FAM107A: variants seen among roughly 807,000 people sequenced by gnomAD.
FAM107A encodes family with sequence similarity 107 member A.
In FAM107A, 19 loss-of-function variants were observed where a neutral mutation model predicts 13.7. The ratio of observed to expected loss-of-function variants is 1.38; its 90% confidence interval spans 0.97 to 2.03. FAM107A has a LOEUF of 2.03. FAM107A is among the 30% of genes most tolerant of loss of function. FAM107A has a pLI of 0.00. For missense variants in FAM107A, 203 were observed against 184.4 expected (o/e 1.10, Z -0.58); for synonymous variants, 82 against 74.5 (o/e 1.10, Z -0.52).
upstream of FAM107A, among the ~76,000 whole-genome samples, chr3:58,587,270 C>T (rs1050962816): frequency 6.6e-6 from 1 of 152,208 alleles, no homozygotes; most frequent in Non-Finnish European, 1.5e-5. Flanking sequence ...TACTCTTCTG[C>T]TTTCTTTGGC....
rs759494862 is a variant in FAM107A at position 58,566,713 on chromosome 3, A to G, written c.328-18T>C. 2 of 1,585,226 alleles carry G rather than the reference A, an allele frequency of 1.3e-6. No individual in the cohort carries two copies. The highest frequency in any genetic ancestry group is 2.2e-5 in the South Asian group (2 of 90,460). The stretch of plus-strand genomic sequence containing the variant: ...TTTTCCAGCTGAAGGAGGGAGAAGC[A>G]GAGAGTGAAGTGGGTGGAGCTAGGG... On this transcript the variant is annotated intron_variant, in intron 3 of 3. Coordinates refer to ENST00000360997, the MANE Select transcript of FAM107A (RefSeq NM_001076778.3).
intron 1 of FAM107A, chr3:58,607,235 G>T (rs1487505586): frequency 6.6e-6 from 1 of 152,252 alleles, no homozygotes; most frequent in Admixed American, 6.5e-5. Flanking sequence ...TTGAGCCAGT[G>T]TTCCATGAGG....
At chr3:58,596,161 G>A (rs899126504) in intron 1 of FAM107A, among the ~76,000 whole-genome samples, 4 of 152,110 alleles carry the variant, frequency 2.6e-5, no homozygotes, top group African/African-American at 9.7e-5. Flanking sequence ...TGTCCTGATT[G>A]TTGAGAAAAA....
intron 1 of FAM107A, among the ~76,000 whole-genome samples, chr3:58,616,081 C>G (rs1453881849): frequency 3.9e-5 from 6 of 151,922 alleles, no homozygotes; most frequent in Non-Finnish European, 4.4e-5. Flanking sequence ...GAGTAGGGAG[C>G]CCAGAGCACG....
Position 58,604,312 on chromosome 3 carries a change from C to T in FAM107A, c.-69-15043G>A, listed in dbSNP as rs144213989. 8.5e-5 allele frequency among the ~76,000 whole-genome samples: 13 copies of T among 152,232 alleles called. No individual in the cohort carries two copies. The highest frequency in any genetic ancestry group is 1.7e-4 in the African/African-American group (7 of 41,542). Reference sequence around the variant, plus strand: ...CTCGTGCTCCCTCCAGAGCATTAAACGCAGATCCAATTCCTTCTCCAACCG... The same window carrying T: ...CTCGTGCTCCCTCCAGAGCATTAAATGCAGATCCAATTCCTTCTCCAACCG... On this transcript the variant is annotated intron_variant, in intron 1 of 3. Transcript: ENST00000465970. The surrounding 1 kb of genome is among the most constrained non-coding windows in gnomAD (Gnocchi z 4.1).
intron 1 of FAM107A, among the ~76,000 whole-genome samples, chr3:58,620,239 G>T (rs2065940142): frequency 6.6e-6 from 1 of 152,180 alleles, no homozygotes; most frequent in Non-Finnish European, 1.5e-5. Context: ...GTGTGATGGG[G>T]TTTGCCCTAG....
chr3:58,586,143 C>G (rs1383240020), intron 1 of FAM107A, among the ~76,000 whole-genome samples: 6 of 152,196 alleles, frequency 3.9e-5, no homozygotes, highest in Non-Finnish European at 7.3e-5. Flanking sequence ...ACCGCGCTGC[C>G]GGGCTCCAGT....
intron 1 of FAM107A, among the ~76,000 whole-genome samples, chr3:58,583,441 G>A (rs932703693): frequency 2.0e-5 from 3 of 152,118 alleles, no homozygotes; most frequent in Non-Finnish European, 4.4e-5. Context: ...TGACCAACAT[G>A]GTGAAACCCT....
Position 58,566,471 on chromosome 3 carries a change from G to C in FAM107A, c.*117C>G. 3 of 740,218 alleles carry C rather than the reference G, an allele frequency of 4.1e-6. No individual in the cohort carries two copies. In the South Asian group the frequency reaches 5.1e-5, roughly 13 times the overall value. The allele number at this position is 740,218 out of a possible 1,614,324, so 45.9% of individuals were successfully genotyped here. On this transcript the variant is annotated 3_prime_UTR_variant, in exon 4 of 4. Coordinates refer to ENST00000360997, the MANE Select transcript of FAM107A (RefSeq NM_001076778.3). ...TCTGGGGTGACACATTTCTACAGAA[G>C]CAGGTGGGAACATCACAGACGTCCC...
intron 1 of FAM107A, among the ~76,000 whole-genome samples, chr3:58,584,704 G>T (rs79700462): frequency 0.035 from 5,368 of 152,232 alleles, 330 homozygotes; most frequent in African/African-American, 0.12. Flanking sequence ...ACACTTCGGC[G>T]ATGACAGGAA....
chr3:58,591,602 G>A (rs1305140113), upstream of FAM107A, among the ~76,000 whole-genome samples: 9 of 152,094 alleles, frequency 5.9e-5, no homozygotes, highest in African/African-American at 1.7e-4. This position sits in a 1 kb window ranked among gnomAD's most constrained non-coding sequence, Gnocchi z 4.3. Context: ...CCCTTCACCT[G>A]GGAAGCTCCC....
chr3:58,618,633 A>G (rs1227465494), intron 1 of FAM107A, among the ~76,000 whole-genome samples: 4 of 152,254 alleles, frequency 2.6e-5, no homozygotes, highest in African/African-American at 7.2e-5. Flanking sequence ...AATTAAAATA[A>G]TTTCCTTCTC....
chr3:58,596,452 C>T (rs552150359), intron 1 of FAM107A, among the ~76,000 whole-genome samples: 4 of 152,158 alleles, frequency 2.6e-5, no homozygotes, highest in Non-Finnish European at 5.9e-5. Flanking sequence ...CTAAGGTGGG[C>T]AGATGGCGTG....
chr3:58,573,506 T>C (rs2063704262), intron 1 of FAM107A: 1 of 152,358 alleles, frequency 6.6e-6, no homozygotes, highest in African/African-American at 2.4e-5. Flanking sequence ...GATCCAAGAC[T>C]CTGGGGTCCA....
At chr3:58,566,896 C>A (rs1166888087) in intron 3 of FAM107A, 3 of 607,704 alleles carry the variant, frequency 4.9e-6, no homozygotes, top group Non-Finnish European at 5.8e-6. Flanking sequence ...ATCACTCACC[C>A]CCTCTGGGCC....
chr3:58,577,735 T>C (rs2063742671), upstream of FAM107A: 3 of 984,564 alleles, frequency 3.0e-6, no homozygotes, highest in Non-Finnish European at 3.6e-6. The surrounding 1 kb of genome is among the most constrained non-coding windows in gnomAD (Gnocchi z 4.9). Context: ...CACTTCCCCA[T>C]GGGAGGGGAA....
intron 1 of FAM107A, chr3:58,570,394 A>T (rs1334901372): frequency 4.1e-6 from 4 of 984,812 alleles, no homozygotes; most frequent in Non-Finnish European, 4.8e-6. Flanking sequence ...ATCAAAGAGG[A>T]GAGCATGAAA....
At chr3:58,593,976 C>G (rs1334479036) in intron 1 of FAM107A, among the ~76,000 whole-genome samples, 1 of 152,010 alleles carries the variant, frequency 6.6e-6, no homozygotes, top group African/African-American at 2.4e-5. Context: ...CACCCCTCCC[C>G]CCCACCATAT....
chr3:58,574,336 G>C (rs961277844), intron 1 of FAM107A: 7 of 152,198 alleles, frequency 4.6e-5, no homozygotes, highest in African/African-American at 1.2e-4. Flanking sequence ...TAATGGGTTT[G>C]GGGGGCGGCT....
Sources: allele counts gnomAD v4.1 joint callset (sites outside exome capture counted in the v4.1 genomes callset), GRCh38; gene constraint gnomAD v4.1.1; non-coding constraint Gnocchi (gnomAD v3.1); transcripts MANE v1.5; gene names NCBI Gene and HGNC (gene_info 2026-07-23, HGNC 2026-07-21).